AZI2: variants seen among roughly 807,000 people sequenced by gnomAD.
The protein encoded by AZI2 is 5-azacytidine induced 2, also known as 5-azacytidine-induced protein 2.
Under a neutral mutation model 45.8 loss-of-function variants are expected in AZI2, and 22 were observed. The ratio of observed to expected loss-of-function variants is 0.48; its 90% CI spans 0.34 to 0.69. The LOEUF is 0.69. AZI2 is among the 30% of genes least tolerant of loss of function. The probability of loss-of-function intolerance (pLI) is 0.01; values close to 1 mark genes in which losing one functional copy is unlikely to be tolerated. For synonymous variants in AZI2, 137 were observed against 156.7 expected (o/e 0.87, Z 0.94); for missense variants, 417 against 441.5 (o/e 0.94, Z 0.50).
At chr3:28,324,572 G>A in intron 7 of AZI2, 118 bp from the exon 8 acceptor site, 1 of 955,458 alleles carries the variant, frequency 1.0e-6, no homozygotes, top group Non-Finnish European at 1.4e-6. Context: ...TTCCAAGTTA[G>A]TGTGATCATT....
At chr3:28,335,447 T>C (rs559359239) in intron 5 of AZI2, among the ~76,000 whole-genome samples, 1 of 152,086 alleles carries the variant, frequency 6.6e-6, no homozygotes, top group East Asian at 1.9e-4. Flanking sequence ...AATTGTGGTG[T>C]GTGGCCACAA....
In AZI2 at chr3:28,326,984, C is replaced by A. The variant is rs530300502; in HGVS notation, c.648-34G>T. On this transcript the variant is annotated intron_variant, in intron 6 of 7. Transcript: ENST00000479665. ...AATTTTTTTACAAAAAGTTAATACT[C>A]ATCATTCTTTTTTAGACAAAAGGGA... 53 of 1,414,264 alleles carry A rather than the reference C, an allele frequency of 3.7e-5. No homozygotes were observed. In the East Asian group the frequency reaches 4.9e-4, roughly 13 times the overall value. 87.6% of individuals were successfully genotyped at this position (1,414,264 alleles called of 1,614,324 possible).
chr3:28,341,498 G>A (rs1704015370), intron 1 of AZI2: 1 of 152,040 alleles, frequency 6.6e-6, no homozygotes, highest in Non-Finnish European at 1.5e-5. Flanking sequence ...AAACCTAAGA[G>A]AAGAGCTCGT....
chr3:28,331,486 G>A (rs954093801), intron 6 of AZI2, among the ~76,000 whole-genome samples: 4 of 151,468 alleles, frequency 2.6e-5, no homozygotes, highest in African/African-American at 9.7e-5. Flanking sequence ...TCACAAAGCC[G>A]AATAAAACAG....
intron 7 of AZI2, 47 bp from the exon 8 acceptor site, chr3:28,324,501 A>T: frequency 2.9e-6 from 4 of 1,395,710 alleles, no homozygotes; most frequent in Non-Finnish European, 3.8e-6. Context: ...TACATTTGTG[A>T]TCATAAAATT....
chr3:28,345,852 A>G (rs1216727516), intron 1 of AZI2, among the ~76,000 whole-genome samples: 2 of 152,102 alleles, frequency 1.3e-5, no homozygotes, highest in African/African-American at 2.4e-5. Flanking sequence ...CTAGGAATAA[A>G]TATGATTATC....
At chr3:28,346,499 G>A (rs1032524140) in intron 1 of AZI2, among the ~76,000 whole-genome samples, 2 of 152,098 alleles carry the variant, frequency 1.3e-5, no homozygotes, top group Admixed American at 1.3e-4. Context: ...CATGATAAAT[G>A]GGGAAATTGA....
At chr3:28,327,504 A>G (rs773742708) in intron 6 of AZI2, among the ~76,000 whole-genome samples, 11 of 151,044 alleles carry the variant, frequency 7.3e-5, no homozygotes, top group Non-Finnish European at 1.5e-4. Context: ...TTCTAAACCA[A>G]TGTGACATGA....
chr3:28,328,441 T>C (rs1274080617), intron 6 of AZI2, among the ~76,000 whole-genome samples: 2 of 151,132 alleles, frequency 1.3e-5, no homozygotes, highest in Non-Finnish European at 3.0e-5. Context: ...AGCTTAAAAA[T>C]AGTTTATTAT....
Position 28,326,875 on chromosome 3 carries a change from A to G in AZI2, c.723T>C (p.Ala241=), listed in dbSNP as rs774955270. The change falls in exon 7 of 8, where the codon GCT becomes GCC. Residue 241 remains alanine, a synonymous_variant. Transcript: ENST00000479665. ...AGGTTTTCAGTTTTCTTAGTAGTTC[A>G]GCTTGTACTTGAGTCACCAGATGTA... ...SNLHLVTQVQ[A]ELLRKLKTST... 10 of 1,608,694 alleles carry G rather than the reference A, an allele frequency of 6.2e-6. No homozygotes were observed. The South Asian group carries it at 1.1e-4, about 18-fold the overall frequency.
intron 5 of AZI2, among the ~76,000 whole-genome samples, chr3:28,333,267 A>G (rs1703655949): frequency 1.3e-5 from 2 of 151,758 alleles, no homozygotes; most frequent in African/African-American, 4.8e-5. Flanking sequence ...TGAGAGTAAA[A>G]TGTGAAAAAT....
At chr3:28,329,453 C>T (rs1703498198) in intron 6 of AZI2, among the ~76,000 whole-genome samples, 1 of 151,082 alleles carries the variant, frequency 6.6e-6, no homozygotes, top group Non-Finnish European at 1.5e-5. Flanking sequence ...TATAAAACTT[C>T]ACATCTCTGA....
At chr3:28,331,704 T>G (rs1577125732) in intron 6 of AZI2, 1 of 1,333,046 alleles carries the variant, frequency 7.5e-7, no homozygotes, top group Middle Eastern at 2.4e-4. Context: ...ATCAGTATTT[T>G]TTATTGGATG....
intron 6 of AZI2, among the ~76,000 whole-genome samples, chr3:28,330,820 C>T (rs998827776): frequency 6.6e-6 from 1 of 151,340 alleles, no homozygotes; most frequent in African/African-American, 2.4e-5. Flanking sequence ...CAATTCTTTA[C>T]ATACATACTG....
At chr3:28,336,312 TTTTC>T (rs777138832) in intron 5 of AZI2, among the ~76,000 whole-genome samples, 6 of 152,098 alleles carry the variant, frequency 3.9e-5, no homozygotes, top group Non-Finnish European at 8.8e-5. Context: ...TTGGTCGTGT[TTTTC>T]TTTGTTGTTG....
chr3:28,325,761 T>TTTG (rs1448871285), intron 7 of AZI2, among the ~76,000 whole-genome samples: 1 of 151,086 alleles, frequency 6.6e-6, no homozygotes, highest in Non-Finnish European at 1.5e-5. Context: ...AGAGATCTTA[T>TTTG]TTGTACATTC....
chr3:28,327,322 GTTACA>G (rs1703423991), intron 6 of AZI2, among the ~76,000 whole-genome samples: 1 of 151,078 alleles, frequency 6.6e-6, no homozygotes, highest in Admixed American at 6.6e-5. Flanking sequence ...TAAGAGTAAA[GTTACA>G]TTCATTCAAA....
chr3:28,346,753 T>A (rs1053058767), intron 1 of AZI2, among the ~76,000 whole-genome samples: 3 of 152,208 alleles, frequency 2.0e-5, no homozygotes, highest in Admixed American at 1.3e-4. Context: ...CCAATGCTTA[T>A]TCCCCTTTCT....
At chr3:28,343,085 C>A (rs1704086951) in intron 1 of AZI2, among the ~76,000 whole-genome samples, 1 of 151,970 alleles carries the variant, frequency 6.6e-6, no homozygotes. Context: ...ATCATTTACA[C>A]AGCAAGGAAA....
Sources: allele counts gnomAD v4.1 joint callset (sites outside exome capture counted in the v4.1 genomes callset), GRCh38; gene constraint gnomAD v4.1.1; transcripts MANE v1.5; gene names NCBI Gene and HGNC (gene_info 2026-07-23, HGNC 2026-07-21).